The following BCAS3 variants were observed in gnomAD, a reference collection of about 807,000 sequenced individuals.
BCAS3 encodes BCAS4/BCAS3 fusion.
In BCAS3, 53 loss-of-function variants were observed where a neutral mutation model predicts 116.1. The observed-to-expected ratio is 0.46, with a 90% confidence interval of 0.37 to 0.57. The LOEUF is 0.57. Ranked by LOEUF, BCAS3 falls within the 20% of genes least tolerant of loss-of-function variation. The probability of loss-of-function intolerance (pLI) is 0.00; values close to 1 mark genes in which losing one functional copy is unlikely to be tolerated. For missense variants in BCAS3, 917 were observed against 1,165.4 expected, an observed-to-expected ratio of 0.79 and a Z score of 3.10; for synonymous variants, 391 against 408.2, an observed-to-expected ratio of 0.96 and a Z score of 0.51.
chr17:61,142,434 T>C (rs2076974948), intron 22 of BCAS3, among the ~76,000 whole-genome samples: 1 of 152,148 alleles, frequency 6.6e-6, no homozygotes, highest in African/African-American at 2.4e-5. Flanking sequence ...AATGAAAGGG[T>C]ACATGGAAGC....
At chr17:61,272,199 G>A (rs1033357506) in intron 22 of BCAS3, among the ~76,000 whole-genome samples, 1 of 152,050 alleles carries the variant, frequency 6.6e-6, no homozygotes, top group African/African-American at 2.4e-5. Context: ...CAAACATATT[G>A]TATACAGAAG....
Position 61,145,270 on chromosome 17 carries a change from G to A in BCAS3, c.2425+60706G>A, listed in dbSNP as rs1450470324. Among the ~76,000 whole-genome samples, 2 of 152,160 alleles carry A rather than the reference G, an allele frequency of 1.3e-5. No homozygotes were observed. Among genetic ancestry groups the A allele is most frequent in the Non-Finnish European group, 2.9e-5 (2 of 68,042 alleles). ...CGTCTTCACCTTTGCTGATGGTTCTGCAACTCATCACCAGCTATGCAAACT... is the reference window on the plus strand; with the variant it reads ...CGTCTTCACCTTTGCTGATGGTTCTACAACTCATCACCAGCTATGCAAACT... On this transcript the variant is annotated intron_variant, in intron 22 of 23. Transcript: ENST00000407086. This position sits in a 1 kb window ranked among gnomAD's most constrained non-coding sequence, Gnocchi z 5.0.
At chr17:60,770,737 G>C (rs1195599480) in intron 6 of BCAS3, among the ~76,000 whole-genome samples, 3 of 150,126 alleles carry the variant, frequency 2.0e-5, no homozygotes, top group Non-Finnish European at 4.4e-5. Context: ...CGGTCTATTT[G>C]AAGTGTGAAT....
At chr17:61,255,819 C>T (rs2048732936) in intron 22 of BCAS3, among the ~76,000 whole-genome samples, 1 of 152,166 alleles carries the variant, frequency 6.6e-6, no homozygotes, top group African/African-American at 2.4e-5. Flanking sequence ...TGGTAAAGTC[C>T]TGGCAGTTTG....
At chr17:60,929,296 G>A (rs949829256) in intron 13 of BCAS3, among the ~76,000 whole-genome samples, 3 of 152,018 alleles carry the variant, frequency 2.0e-5, no homozygotes, top group South Asian at 2.1e-4. Flanking sequence ...GTGGTGGCAC[G>A]TGCCTGTAGT....
intron 22 of BCAS3, among the ~76,000 whole-genome samples, chr17:61,342,116 G>A (rs1429798501): frequency 3.3e-5 from 5 of 152,082 alleles, no homozygotes. Flanking sequence ...CAATTCTCCT[G>A]CCTCAGCCTC....
At chr17:60,828,674 T>G (rs960391049) in intron 7 of BCAS3, among the ~76,000 whole-genome samples, 11 of 152,220 alleles carry the variant, frequency 7.2e-5, no homozygotes, top group African/African-American at 2.7e-4. Context: ...AGATGTTTTC[T>G]AAAGATCACC....
intron 22 of BCAS3, among the ~76,000 whole-genome samples, chr17:61,197,734 G>C (rs1038444548): frequency 1.4e-4 from 21 of 152,166 alleles, no homozygotes; most frequent in Non-Finnish European, 1.0e-4. Context: ...AAGCCAGTCT[G>C]GATAAAGACC....
chr17:61,289,678 T>C (rs772904645), intron 22 of BCAS3, among the ~76,000 whole-genome samples: 1 of 152,114 alleles, frequency 6.6e-6, no homozygotes. Flanking sequence ...TGTCAAAGCC[T>C]CACGTATTAC....
chr17:60,985,544 T>C (rs1423796117), intron 14 of BCAS3, among the ~76,000 whole-genome samples: 3 of 152,218 alleles, frequency 2.0e-5, no homozygotes, highest in Non-Finnish European at 4.4e-5. Context: ...TTATTTATTC[T>C]ATTTAAAAAT....
intron 14 of BCAS3, among the ~76,000 whole-genome samples, chr17:60,970,154 C>T (rs1311079921): frequency 6.6e-6 from 1 of 152,026 alleles, no homozygotes; most frequent in Non-Finnish European, 1.5e-5. Flanking sequence ...ATTATATGTA[C>T]ATGTAATACA....
At chr17:61,057,377 C>T (rs1262855293) in intron 19 of BCAS3, among the ~76,000 whole-genome samples, 2 of 152,142 alleles carry the variant, frequency 1.3e-5, no homozygotes, top group African/African-American at 2.4e-5. Flanking sequence ...TGTGACTGCT[C>T]CAGTGTAAGT....
At chr17:61,191,451 G>A (rs188214720) in intron 22 of BCAS3, among the ~76,000 whole-genome samples, 32 of 152,090 alleles carry the variant, frequency 2.1e-4, no homozygotes, top group Non-Finnish European at 3.1e-4. Context: ...TTGTAGAAAC[G>A]ACGCAAGATA....
chr17:60,887,000 T>G (rs1351480774), intron 9 of BCAS3: 1 of 157,228 alleles, frequency 6.4e-6, no homozygotes, highest in Non-Finnish European at 1.4e-5. Flanking sequence ...GCTGCTTTGT[T>G]TACCTAAGCA....
chr17:61,040,770 T>C (rs769191336), intron 18 of BCAS3, 22 bp from the exon 19 acceptor site: 1 of 1,583,924 alleles, frequency 6.3e-7, no homozygotes, highest in South Asian at 1.1e-5. Flanking sequence ...TAAATATTAA[T>C]ATTCTTCTCC....
rs538097596 is a variant in BCAS3 at position 61,188,466 on chromosome 17, G to A, written c.2425+103902G>A. On this transcript the variant is annotated intron_variant, in intron 22 of 23. Transcript: ENST00000407086. This position sits in a 1 kb window ranked among gnomAD's most constrained non-coding sequence, Gnocchi z 4.0. ...TATGGACCACAAGTCTGGGAGGCAAGTGGATTTTAGGTGTTTTATATCAAA... is the reference window on the plus strand; with the variant it reads ...TATGGACCACAAGTCTGGGAGGCAAATGGATTTTAGGTGTTTTATATCAAA... Among the ~76,000 whole-genome samples, 9 of 152,340 alleles carry A rather than the reference G, an allele frequency of 5.9e-5. No individual in the cohort carries two copies. In the South Asian group the frequency reaches 1.9e-3, roughly 32 times the overall value.
chr17:60,952,167 A>G (rs2060879268), intron 14 of BCAS3, among the ~76,000 whole-genome samples: 1 of 151,802 alleles, frequency 6.6e-6, no homozygotes, highest in Non-Finnish European at 1.5e-5. Context: ...CTTACTGTAT[A>G]TTTTTTCCTG....
At chr17:60,924,368 A>C in intron 12 of BCAS3, 39 bp from the exon 13 acceptor site, 1 of 1,585,208 alleles carries the variant, frequency 6.3e-7, no homozygotes, top group Non-Finnish European at 8.7e-7. Context: ...TATCAGTGAG[A>C]AAATATTTAC....
intron 22 of BCAS3, among the ~76,000 whole-genome samples, chr17:61,202,545 C>G (rs1235160327): frequency 6.6e-6 from 1 of 150,614 alleles, no homozygotes; most frequent in Non-Finnish European, 1.5e-5. Context: ...GTTTACTTTT[C>G]TTCTTATTTT....
Sources: allele counts gnomAD v4.1 joint callset (sites outside exome capture counted in the v4.1 genomes callset), GRCh38; gene constraint gnomAD v4.1.1; non-coding constraint Gnocchi (gnomAD v3.1); transcripts MANE v1.5; gene names NCBI Gene and HGNC (gene_info 2026-07-23, HGNC 2026-07-21).